The following ROBO1 variants were observed in gnomAD, a reference collection of about 807,000 sequenced individuals.
ROBO1 encodes roundabout guidance receptor 1, also known as roundabout homolog 1.
A neutral mutation model predicts 195.9 loss-of-function variants in ROBO1; 149 were observed. The ratio of observed to expected loss-of-function variants is 0.76; its 90% CI spans 0.67 to 0.87. ROBO1 has a LOEUF of 0.87. Ranked by LOEUF, ROBO1 falls within the 40% of genes least tolerant of loss-of-function variation. The probability of loss-of-function intolerance (pLI) is 0.00; values close to 1 mark genes in which losing one functional copy is unlikely to be tolerated. For synonymous variants in ROBO1, 816 were observed against 733.2 expected (o/e 1.11, Z -1.82); for missense variants, 1,933 against 2,068.3 (o/e 0.93, Z 1.27).
intron 2 of ROBO1, among the ~76,000 whole-genome samples, chr3:79,391,218 A>G (rs1320950529): frequency 6.6e-6 from 1 of 151,994 alleles, no homozygotes; most frequent in Non-Finnish European, 1.5e-5. Flanking sequence ...CCATGAGCCC[A>G]AGAGTTGGAG....
rs187005206 is a variant in ROBO1 at position 79,271,407 on chromosome 3, A to G, written c.89-145868T>C. ...CTGCCTTTGATACAGAATTGACCAA[A>G]CCAATAGTCCACTAGTGGTTGAAGC... is the stretch of plus-strand genomic sequence containing the variant. On this transcript the variant is annotated intron_variant, in intron 2 of 30. Coordinates refer to ENST00000464233, the MANE Select transcript of ROBO1 (RefSeq NM_002941.4). 2.9e-3 allele frequency among the ~76,000 whole-genome samples: 441 copies of G among 152,048 alleles called. 1 individual carries two copies. The highest frequency in any genetic ancestry group is 5.1e-3 in the Non-Finnish European group (347 of 67,922).
intron 2 of ROBO1, among the ~76,000 whole-genome samples, chr3:79,366,459 A>G (rs1208910736): frequency 6.6e-6 from 1 of 152,102 alleles, no homozygotes; most frequent in Admixed American, 6.5e-5. Flanking sequence ...TGACTTTGAC[A>G]TTCACCACTC....
At position 79,757,561 on chromosome 3, in the gene ROBO1, G is replaced by A. The variant is rs146866149; in HGVS notation, c.-51+10191C>T. Among the ~76,000 whole-genome samples the A allele has an allele frequency of 5.8e-4, 87 of 150,926 alleles. 1 individual carries two copies. The East Asian group carries it at 0.016, about 28-fold the overall frequency. On this transcript the variant is annotated intron_variant, in intron 1 of 30. Coordinates refer to ENST00000464233, the MANE Select transcript of ROBO1 (RefSeq NM_002941.4). Reference sequence around the variant, plus strand: ...GGGCAGAGTGATTCACACTTGTAATGCCCGAGCTTTGGGAGGCTGAGGCAG... The same window carrying A: ...GGGCAGAGTGATTCACACTTGTAATACCCGAGCTTTGGGAGGCTGAGGCAG...
intron 3 of ROBO1, among the ~76,000 whole-genome samples, chr3:79,021,235 T>C (rs2078094676): frequency 1.3e-5 from 2 of 152,332 alleles, no homozygotes; most frequent in East Asian, 3.9e-4. Flanking sequence ...TTGGTCTTGC[T>C]AAAGGATATT....
intron 1 of ROBO1, among the ~76,000 whole-genome samples, chr3:79,691,354 TGA>T (rs1217299536): frequency 2.0e-5 from 3 of 151,810 alleles, no homozygotes; most frequent in African/African-American, 4.8e-5. Context: ...TCAAAATTTA[TGA>T]GAGAAACAAT....
intron 4 of ROBO1, among the ~76,000 whole-genome samples, chr3:78,831,079 A>G (rs1450634766): frequency 1.3e-5 from 2 of 151,454 alleles, no homozygotes; most frequent in African/African-American, 2.4e-5. Context: ...CGCCTGGCTA[A>G]TTTTTCTATT....
chr3:78,616,789 T>C (rs113787839), intron 27 of ROBO1, among the ~76,000 whole-genome samples: 3,763 of 152,266 alleles, frequency 0.025, 76 homozygotes, highest in Middle Eastern at 0.051. Flanking sequence ...ATATATTAAT[T>C]CTACAGAAAT....
intron 2 of ROBO1, among the ~76,000 whole-genome samples, chr3:79,419,506 G>A (rs2106924103): frequency 6.6e-6 from 1 of 152,212 alleles, no homozygotes; most frequent in Middle Eastern, 3.4e-3. Flanking sequence ...TGTGACTGGT[G>A]AAAACCACTC....
At position 79,754,372 on chromosome 3, in the gene ROBO1, A is replaced by G. The variant is rs11919981; in HGVS notation, c.-51+13380T>C. ...CACTTGTATTCACTTCAGTGCCTAC[A>G]AGTGTCTAGCTCCCTGCCTTATACA... is the stretch of plus-strand genomic sequence containing the variant. On this transcript the variant is annotated intron_variant, in intron 1 of 30. Coordinates refer to ENST00000464233, the MANE Select transcript of ROBO1 (RefSeq NM_002941.4). Among the ~76,000 whole-genome samples, 810 of 152,312 alleles carry G rather than the reference A, an allele frequency of 5.3e-3. 4 individuals are homozygous for G. Among genetic ancestry groups the G allele is most frequent in the African/African-American group, 0.019 (777 of 41,578 alleles).
chr3:79,482,154 A>G (rs1035994840), intron 2 of ROBO1, among the ~76,000 whole-genome samples: 5 of 152,214 alleles, frequency 3.3e-5, no homozygotes, highest in African/African-American at 1.2e-4. Flanking sequence ...ATGATAAGCA[A>G]AACTATGTTT....
rs2081692436 is a variant in ROBO1, at chr3:78,711,340, CT to C, written c.1045+3056del. ...CTCTCTCTCTCTCCTTCCTTCCTTCCTTCCTTCCTCCTTCCTTCCTTCCTTC... is the reference window on the plus strand; with the variant it reads ...CTCTCTCTCTCTCCTTCCTTCCTTCCTCCTTCCTCCTTCCTTCCTTCCTTC... On this transcript the variant is annotated intron_variant, in intron 8 of 30. Coordinates refer to ENST00000464233, the MANE Select transcript of ROBO1 (RefSeq NM_002941.4). Among the ~76,000 whole-genome samples the C allele has an allele frequency of 1.7e-4, 17 of 100,192 alleles. No homozygotes were observed. The East Asian group carries it at 6.6e-3, about 39-fold the overall frequency. The allele number at this position is 100,192 out of a possible 152,430, so 65.7% of individuals were successfully genotyped here.
At chr3:79,146,397 T>G (rs2080651536) in intron 2 of ROBO1, among the ~76,000 whole-genome samples, 1 of 152,030 alleles carries the variant, frequency 6.6e-6, no homozygotes, top group Non-Finnish European at 1.5e-5. Context: ...TTGATTCTTT[T>G]GTCATTTTTG....
chr3:79,106,509 A>G (rs900905751), intron 3 of ROBO1, among the ~76,000 whole-genome samples: 8 of 151,640 alleles, frequency 5.3e-5, no homozygotes, highest in Non-Finnish European at 1.0e-4. Context: ...GATTTCTATT[A>G]GCACTTTCCT....
chr3:79,732,056 G>T (rs1363363523), intron 1 of ROBO1, among the ~76,000 whole-genome samples: 4 of 151,936 alleles, frequency 2.6e-5, no homozygotes, highest in African/African-American at 7.2e-5. Flanking sequence ...TATAGATGAG[G>T]TATGTATTAG....
chr3:79,309,093 A>G (rs2033361555), intron 2 of ROBO1, among the ~76,000 whole-genome samples: 1 of 152,180 alleles, frequency 6.6e-6, no homozygotes, highest in Non-Finnish European at 1.5e-5. Context: ...ATTAATTAGT[A>G]AGCAGAGTAG....
At chr3:79,673,309 G>A (rs1356161672) in intron 1 of ROBO1, among the ~76,000 whole-genome samples, 3 of 151,890 alleles carry the variant, frequency 2.0e-5, no homozygotes, top group African/African-American at 7.2e-5. Flanking sequence ...AAACATGAAT[G>A]TTTTATATGT....
chr3:79,704,173 C>T (rs1038421982), intron 1 of ROBO1, among the ~76,000 whole-genome samples: 3 of 151,876 alleles, frequency 2.0e-5, no homozygotes, highest in Non-Finnish European at 4.4e-5. Flanking sequence ...AACATTCCCG[C>T]CAAAGTGGTA....
intron 3 of ROBO1, among the ~76,000 whole-genome samples, chr3:79,117,205 TA>T (rs1283222265): frequency 6.6e-6 from 1 of 151,370 alleles, no homozygotes; most frequent in Non-Finnish European, 1.5e-5. Context: ...CCATCTCTAC[TA>T]AAATAAAAAA....
chr3:79,159,508 T>C (rs957418023), intron 2 of ROBO1, among the ~76,000 whole-genome samples: 1 of 151,998 alleles, frequency 6.6e-6, no homozygotes, highest in Non-Finnish European at 1.5e-5. Flanking sequence ...GACCACTACA[T>C]AATATGTTGG....
Sources: allele counts gnomAD v4.1 joint callset (sites outside exome capture counted in the v4.1 genomes callset), GRCh38; gene constraint gnomAD v4.1.1; transcripts MANE v1.5; gene names NCBI Gene and HGNC (gene_info 2026-07-23, HGNC 2026-07-21).